Variants in KIAA1217 observed in about 807,000 individuals in gnomAD.
The protein encoded by KIAA1217 is KIAA1217, also known as sickle tail protein homolog.
Under a neutral mutation model 163.9 loss-of-function variants are expected in KIAA1217, and 88 were observed. The observed-to-expected ratio is 0.54, with a 90% confidence interval of 0.45 to 0.64. The LOEUF is 0.64. KIAA1217 is among the 30% of genes least tolerant of loss of function. The pLI, the probability that KIAA1217 is intolerant of heterozygous loss-of-function variation, is 0.00. For synonymous variants in KIAA1217, 903 were observed against 923.1 expected, an observed-to-expected ratio of 0.98 and a Z score of 0.39; for missense variants, 2,372 against 2,475.0, an observed-to-expected ratio of 0.96 and a Z score of 0.88.
chr10:24,250,184 T>C (rs1429166579), intron 2 of KIAA1217, among the ~76,000 whole-genome samples: 1 of 152,112 alleles, frequency 6.6e-6, no homozygotes, highest in Non-Finnish European at 1.5e-5. Context: ...AGCAACCTTC[T>C]TCCTGGCATT....
intron 2 of KIAA1217, among the ~76,000 whole-genome samples, chr10:24,085,689 G>A (rs546693216): frequency 6.6e-6 from 1 of 152,002 alleles, no homozygotes; most frequent in Admixed American, 6.6e-5. Context: ...AAAAGTGCTG[G>A]CTGGGAGGCA....
chr10:23,745,520 A>G (rs1017175168), intron 1 of KIAA1217, among the ~76,000 whole-genome samples: 6 of 152,204 alleles, frequency 3.9e-5, no homozygotes, highest in African/African-American at 7.2e-5. Context: ...ACTTCAATAC[A>G]TGATGTTTCC....
chr10:24,313,308 G>T (rs1171317798), intron 2 of KIAA1217, among the ~76,000 whole-genome samples: 1 of 152,188 alleles, frequency 6.6e-6, no homozygotes, highest in Non-Finnish European at 1.5e-5. Flanking sequence ...CAGTGAGATT[G>T]TATTTTTATT....
chr10:23,933,763 C>G (rs1176941373), intron 1 of KIAA1217, among the ~76,000 whole-genome samples: 3 of 152,102 alleles, frequency 2.0e-5, no homozygotes, highest in African/African-American at 7.2e-5. Context: ...AAGACATTTA[C>G]ACAACCAACA....
chr10:24,014,361 G>A (rs1847381622), intron 2 of KIAA1217, among the ~76,000 whole-genome samples: 2 of 152,124 alleles, frequency 1.3e-5, no homozygotes, highest in Admixed American at 6.6e-5. Context: ...TGTTTTACAC[G>A]CAGAAAATAG....
intron 1 of KIAA1217, among the ~76,000 whole-genome samples, chr10:23,793,643 T>C (rs920959817): frequency 6.6e-6 from 1 of 152,218 alleles, no homozygotes; most frequent in African/African-American, 2.4e-5. Flanking sequence ...ACACTGATAG[T>C]TGCTAACCAT....
intron 2 of KIAA1217, among the ~76,000 whole-genome samples, chr10:24,265,672 C>A (rs1216740351): frequency 6.6e-6 from 1 of 151,934 alleles, no homozygotes. Context: ...TTCCTCCCCT[C>A]GCTGAAAAAA....
chr10:23,714,375 C>T (rs1178996292), intron 1 of KIAA1217, among the ~76,000 whole-genome samples: 1 of 151,996 alleles, frequency 6.6e-6, no homozygotes, highest in Non-Finnish European at 1.5e-5. Context: ...GAAAGTAGAA[C>T]AGGGGAGGAA....
At chr10:23,712,654 G>T (rs1837336154) in intron 1 of KIAA1217, among the ~76,000 whole-genome samples, 1 of 151,960 alleles carries the variant, frequency 6.6e-6, no homozygotes, top group Non-Finnish European at 1.5e-5. Flanking sequence ...GCAAATGTCA[G>T]GAGCAGTTGA....
chr10:24,112,841 C>G (rs1244416151), intron 2 of KIAA1217, among the ~76,000 whole-genome samples: 1 of 152,142 alleles, frequency 6.6e-6, no homozygotes, highest in East Asian at 1.9e-4. Flanking sequence ...CCGCCTCAGC[C>G]TCCCACAGTG....
chr10:24,185,314 T>C (rs2131962168), intron 2 of KIAA1217, among the ~76,000 whole-genome samples: 1 of 152,330 alleles, frequency 6.6e-6, no homozygotes, highest in East Asian at 1.9e-4. Flanking sequence ...GTTTGGTTGG[T>C]TAAGGCTTAA....
chr10:23,716,169 ATGT>A lies in KIAA1217; in HGVS notation c.-321+20939_-321+20941del, dbSNP rs1418899732. ...TCATTAAAATATATGAACATAATAG[ATGT>A]TGTGCACACAATATGAAACAAAACT... On this transcript the variant is annotated intron_variant, in intron 1 of 18. Transcript: ENST00000376462. 3.9e-5 allele frequency among the ~76,000 whole-genome samples: 6 copies of A among 152,280 alleles called. No individual in the cohort carries two copies. In the East Asian group the frequency reaches 1.2e-3, roughly 29 times the overall value.
chr10:23,702,535 A>C (rs1211067328), intron 1 of KIAA1217, among the ~76,000 whole-genome samples: 1 of 152,168 alleles, frequency 6.6e-6, no homozygotes, highest in Admixed American at 6.6e-5. Context: ...TCATATGGGA[A>C]AATGAGTCTT....
At chr10:24,223,475 T>C (rs1007637226) in intron 2 of KIAA1217, among the ~76,000 whole-genome samples, 3 of 152,128 alleles carry the variant, frequency 2.0e-5, no homozygotes, top group Non-Finnish European at 4.4e-5. Flanking sequence ...ATCCCAGGCT[T>C]CCTTTGCAGG....
intron 6 of KIAA1217, among the ~76,000 whole-genome samples, chr10:24,488,871 T>G (rs1272634212): frequency 2.6e-5 from 4 of 152,136 alleles, no homozygotes; most frequent in Non-Finnish European, 5.9e-5. Flanking sequence ...GGTAGATTGC[T>G]CCTAGAAAAA....
intron 1 of KIAA1217, among the ~76,000 whole-genome samples, chr10:23,743,288 A>G (rs560519446): frequency 5.9e-5 from 9 of 152,018 alleles, no homozygotes; most frequent in Non-Finnish European, 1.0e-4. Flanking sequence ...CCACAGTATG[A>G]TCGGTAATTC....
At chr10:23,857,005 G>A (rs1447541510) in intron 1 of KIAA1217, among the ~76,000 whole-genome samples, 1 of 152,196 alleles carries the variant, frequency 6.6e-6, no homozygotes, top group Non-Finnish European at 1.5e-5. Flanking sequence ...CGCACATGGT[G>A]CGCTGCACCC....
chr10:23,722,445 T>G (rs182847223), intron 1 of KIAA1217, among the ~76,000 whole-genome samples: 3 of 152,262 alleles, frequency 2.0e-5, no homozygotes, highest in Admixed American at 2.0e-4. Context: ...AGTTTTCCAT[T>G]AAGTCTATCA....
intron 1 of KIAA1217, among the ~76,000 whole-genome samples, chr10:24,213,140 C>A (rs979670552): frequency 1.3e-5 from 2 of 152,150 alleles, no homozygotes; most frequent in Admixed American, 1.3e-4. Context: ...CTGAATAGCC[C>A]GGCTACCAGG....
Sources: allele counts gnomAD v4.1 joint callset (sites outside exome capture counted in the v4.1 genomes callset), GRCh38; gene constraint gnomAD v4.1.1; transcripts MANE v1.5; gene names NCBI Gene and HGNC (gene_info 2026-07-23, HGNC 2026-07-21).